Variants in COL27A1 observed in about 807,000 individuals in gnomAD.
The protein encoded by COL27A1 is collagen alpha-1(XXVII) chain.
Under a neutral mutation model 251.3 loss-of-function variants are expected in COL27A1, and 106 were observed. The ratio of observed to expected loss-of-function variants is 0.42; its 90% CI spans 0.36 to 0.50. COL27A1 has a LOEUF of 0.50. Among genes scored for constraint, COL27A1 ranks in the 20% least tolerant of loss-of-function variants. The pLI is 0.00. For missense variants in COL27A1, 2,325 were observed against 2,522.8 expected (o/e 0.92, Z 1.68); for synonymous variants, 1,000 against 986.3 (o/e 1.01, Z -0.26).
intron 24 of COL27A1, 138 bp downstream of exon 24, chr9:114,246,048 C>A (rs948698151): frequency 1.2e-5 from 8 of 683,188 alleles, no homozygotes; most frequent in Admixed American, 9.1e-5. Flanking sequence ...CAGTCCTCTA[C>A]CCCTTTCACG....
rs200847358 is a variant in COL27A1 at position 114,231,837 on chromosome 9, G to A, written c.2536G>A (p.Val846Met). ...PKGMKGLMGSVGEPGLKGDKG... is the reference protein window; with the variant it reads ...PKGMKGLMGSMGEPGLKGDKG... Reference sequence around the variant, plus strand: ...TGTCTTGCAGGGACTGATGGGCAGCGTGGGGGAGCCCGGACTGAAAGGTGA... The same window carrying A: ...TGTCTTGCAGGGACTGATGGGCAGCATGGGGGAGCCCGGACTGAAAGGTGA... Residue 846 changes from valine to methionine, a missense_variant, in exon 16 of 61, where the codon GTG becomes ATG. By Grantham distance (21) the Val-to-Met change is conservative. Coordinates refer to ENST00000356083, the MANE Select transcript of COL27A1 (RefSeq NM_032888.4). 2.4e-5 allele frequency: 38 copies of A among 1,614,078 alleles called. No individual in the cohort carries two copies. Among genetic ancestry groups the A allele is most frequent in the Admixed American group, 1.8e-4 (11 of 60,006 alleles).
chr9:114,267,195 T>C (rs1436454749), intron 33 of COL27A1, among the ~76,000 whole-genome samples: 1 of 152,158 alleles, frequency 6.6e-6, no homozygotes. Flanking sequence ...CCCCCGTCTT[T>C]TTGTGAATCA....
chr9:114,264,646 C>T (rs1254261096), intron 29 of COL27A1, among the ~76,000 whole-genome samples: 1 of 152,140 alleles, frequency 6.6e-6, no homozygotes, highest in Non-Finnish European at 1.5e-5. Flanking sequence ...CAGACCCTTT[C>T]CCCGGACCCC....
intron 45 of COL27A1, 111 bp downstream of exon 45, chr9:114,289,406 G>A: frequency 9.3e-7 from 1 of 1,079,416 alleles, no homozygotes; most frequent in Non-Finnish European, 1.3e-6. Flanking sequence ...AGGCAGGGTA[G>A]GGAGGGGCGG....
At chr9:114,217,621 G>A (rs1830792578) in intron 12 of COL27A1, 3 of 371,438 alleles carry the variant, frequency 8.1e-6, no homozygotes, top group Non-Finnish European at 1.6e-5. Context: ...GGAGAGCCAG[G>A]GCTCATCTGC....
intron 36 of COL27A1, among the ~76,000 whole-genome samples, chr9:114,275,092 C>CA (rs1043224384): frequency 2.8e-5 from 4 of 143,954 alleles, no homozygotes; most frequent in Non-Finnish European, 4.6e-5. Context: ...CCCATTTCTA[C>CA]AAAAAAAGAA....
At chr9:114,162,908 G>A (rs1848598843) in intron 2 of COL27A1, 123 bp downstream of exon 2, 1 of 664,230 alleles carries the variant, frequency 1.5e-6, no homozygotes, top group Non-Finnish European at 2.6e-6. Context: ...CCCATCAGTA[G>A]AATGGAGATG....
chr9:114,263,086 A>C (rs552616657), intron 28 of COL27A1, among the ~76,000 whole-genome samples: 4 of 151,898 alleles, frequency 2.6e-5, no homozygotes, highest in Non-Finnish European at 5.9e-5. Flanking sequence ...CTACAGGCAC[A>C]CACCACCATG....
intron 58 of COL27A1, 150 bp from the exon 59 acceptor site, chr9:114,307,519 G>A (rs984794753): frequency 2.8e-5 from 18 of 643,806 alleles, no homozygotes; most frequent in Non-Finnish European, 4.2e-5. Context: ...CTTCCATCTC[G>A]GTTGGAGGAA....
intron 28 of COL27A1, 53 bp from the exon 29 acceptor site, chr9:114,264,302 G>C (rs1284645189): frequency 6.9e-7 from 1 of 1,451,496 alleles, no homozygotes; most frequent in Non-Finnish European, 9.3e-7. Flanking sequence ...CTGGTTCTCC[G>C]CCCGAGGGAG....
intron 27 of COL27A1, among the ~76,000 whole-genome samples, chr9:114,254,120 TG>T (rs549541595): frequency 7.2e-5 from 11 of 151,832 alleles, no homozygotes; most frequent in African/African-American, 2.2e-4. Flanking sequence ...TAGTCTGGTA[TG>T]GGGGGGCAGG....
chr9:114,183,476 G>A (rs1405457352), intron 5 of COL27A1, among the ~76,000 whole-genome samples: 1 of 152,194 alleles, frequency 6.6e-6, no homozygotes. Flanking sequence ...GAGGATGAAT[G>A]CGGGGTGGGG....
At chr9:114,176,542 G>GA (rs1285921055) in intron 3 of COL27A1, among the ~76,000 whole-genome samples, 4 of 135,990 alleles carry the variant, frequency 2.9e-5, no homozygotes, top group African/African-American at 9.0e-5. Flanking sequence ...TAGGTGGGTG[G>GA]GGGGGGGTGC....
intron 13 of COL27A1, among the ~76,000 whole-genome samples, chr9:114,221,783 A>G (rs1210045682): frequency 1.3e-5 from 2 of 152,214 alleles, no homozygotes; most frequent in African/African-American, 2.4e-5. Flanking sequence ...GAGAAAGGGA[A>G]GGAGGCTGGC....
rs1174057547 is a variant in COL27A1 at position 114,301,120 on chromosome 9, C to A, written c.4750C>A (p.Leu1584Ile). Residue 1584 changes from leucine to isoleucine, a missense_variant, in exon 52 of 61, where the codon CTC becomes ATC. Physicochemically the swap from Leu to Ile is conservative, Grantham distance 5 (BLOSUM62 2). Around this residue, in one of 4 missense-constraint regions of COL27A1, gnomAD observed 327 missense variants for 442.8 expected, o/e 0.74. Coordinates refer to ENST00000356083, the MANE Select transcript of COL27A1 (RefSeq NM_032888.4). Reference protein sequence around the residue: ...GPLGILGPSGLPGPKGDKGSR... With the variant: ...GPLGILGPSGIPGPKGDKGSR... ...CCTCGGAATCCTGGGACCTTCGGGACTCCCGGTATGTGTGGGGATTGGACA... is the reference window on the plus strand; with the variant it reads ...CCTCGGAATCCTGGGACCTTCGGGAATCCCGGTATGTGTGGGGATTGGACA... 1.2e-6 allele frequency: 2 copies of A among 1,613,492 alleles called. No individual in the cohort carries two copies. Among genetic ancestry groups the A allele is most frequent in the Non-Finnish European group, 1.7e-6 (2 of 1,179,746 alleles).
intron 35 of COL27A1, among the ~76,000 whole-genome samples, chr9:114,270,322 T>C (rs1835054560): frequency 6.6e-6 from 1 of 152,196 alleles, no homozygotes; most frequent in South Asian, 2.1e-4. Context: ...AGAAGTAGCA[T>C]TGACGTCTGG....
At chr9:114,209,309 C>A in intron 10 of COL27A1, 1 of 471,006 alleles carries the variant, frequency 2.1e-6, no homozygotes, top group Non-Finnish European at 4.2e-6. Flanking sequence ...GGGCACCTAC[C>A]AGCATCCCTG....
intron 49 of COL27A1, among the ~76,000 whole-genome samples, chr9:114,297,576 T>G (rs921759625): frequency 2.6e-5 from 4 of 152,152 alleles, no homozygotes; most frequent in African/African-American, 4.8e-5. Context: ...AGGACAAACA[T>G]TATAGAGTCA....
chr9:114,300,652 GGC>G lies in COL27A1; in HGVS notation c.4667_4668del (p.Gly1556AspfsTer34). On this transcript the variant is annotated frameshift_variant, in exon 51 of 61. Coordinates refer to ENST00000356083, the MANE Select transcript of COL27A1 (RefSeq NM_032888.4). LOFTEE classifies it high-confidence loss of function. ...CCCGCCTGGAGACATTGGCTTCAAA[GGC>G]ATCCAGGGCCCTCGGGGGCCACCTG... ...KGPPGDIGFK[G>X]IQGPRGPPGL... 1 of 1,522,944 alleles carries G rather than the reference GGC, an allele frequency of 6.6e-7. No individual in the cohort carries two copies. The highest frequency in any genetic ancestry group is 2.4e-5 in the East Asian group (1 of 41,366). The allele number at this position is 1,522,944 out of a possible 1,614,324, so 94.3% of individuals were successfully genotyped here. A position where few individuals can be genotyped will look rare whatever the true frequency, so the allele number is the denominator to read the frequency against.
Sources: gnomAD v4.1 joint callset for allele counts (sites outside exome capture counted in the v4.1 genomes callset) on GRCh38, gnomAD v4.1.1 for gene constraint, gnomAD v4.1.1 regional missense constraint, MANE v1.5 for transcripts, NCBI Gene and HGNC (gene_info 2026-07-23, HGNC 2026-07-21) for gene names.